ZSCAN18: variants seen among roughly 807,000 people sequenced by gnomAD.
ZSCAN18 encodes zinc finger and SCAN domain containing 18.
ZSCAN18 carries 16 observed loss-of-function variants against 31.1 expected under a neutral mutation model. That is an observed-to-expected ratio of 0.51 (90% CI 0.35 to 0.78). ZSCAN18 has a LOEUF of 0.78. ZSCAN18 is among the 30% of genes least tolerant of loss of function. ZSCAN18 has a pLI of 0.01. For missense variants in ZSCAN18, 731 were observed against 697.4 expected, an observed-to-expected ratio of 1.05 and a Z score of -0.54; for synonymous variants, 375 against 320.7, an observed-to-expected ratio of 1.17 and a Z score of -1.81.
intron 2 of ZSCAN18, among the ~76,000 whole-genome samples, chr19:58,089,626 A>AAAAC (rs2145981101): frequency 6.6e-6 from 1 of 152,330 alleles, no homozygotes; most frequent in South Asian, 2.1e-4. Context: ...CTCCGTCTCA[A>AAAAC]AAATAAATAA....
upstream of ZSCAN18, among the ~76,000 whole-genome samples, chr19:58,101,085 G>A (rs1042060177): frequency 5.3e-5 from 8 of 151,630 alleles, no homozygotes; most frequent in East Asian, 1.9e-4. Flanking sequence ...GGGTTACCAC[G>A]GCTACAGAGT....
At position 58,087,346 on chromosome 19, in the gene ZSCAN18, G is replaced by C. The variant is rs772990630; in HGVS notation, c.612C>G (p.Thr204=). ...LEQRRVREAK[T]EEDGPANTEQ... Reference sequence around the variant, plus strand: ...CGGTGTTGGCAGGGCCGTCCTCTTCGGTCTTTGCTTCTCTGACCCTCCTCT... The same window carrying C: ...CGGTGTTGGCAGGGCCGTCCTCTTCCGTCTTTGCTTCTCTGACCCTCCTCT... The change falls in exon 4 of 7, where the codon ACC becomes ACG. Residue 204 remains threonine, a synonymous_variant. Transcript: ENST00000601144. 6.2e-7 allele frequency: 1 copy of C among 1,607,440 alleles called. No homozygotes were observed. The highest frequency in any genetic ancestry group is 1.1e-5 in the South Asian group (1 of 89,456).
Position 58,085,273 on chromosome 19 carries a change from G to T in ZSCAN18, c.945C>A (p.Ala315=), listed in dbSNP as rs1296294008. Residue 315 remains alanine (A), a synonymous_variant, in exon 7 of 7, where the codon GCC becomes GCA. Transcript: ENST00000601144. ...PTEAPPGDAL[A]DPPSGTTEEE... ...CCTCAGTGGTGCCCGACGGGGGATCGGCAAGGGCGTCCCCAGGGGGCGCCT... is the reference window on the plus strand; with the variant it reads ...CCTCAGTGGTGCCCGACGGGGGATCTGCAAGGGCGTCCCCAGGGGGCGCCT... The T allele has an allele frequency of 1.2e-6, 2 of 1,602,052 alleles. No homozygotes were observed. Among genetic ancestry groups the T allele is most frequent in the African/African-American group, 1.3e-5 (1 of 74,768 alleles).
At chr19:58,103,179 GGTTT>G (rs35312128), upstream of ZSCAN18, among the ~76,000 whole-genome samples, 21,345 of 152,054 alleles carry the variant, frequency 0.14, 1,600 homozygotes, top group Middle Eastern at 0.22. Context: ...TGATTAACCT[GGTTT>G]GTTTTCAGAT....
intron 3 of ZSCAN18, 162 bp from the exon 4 acceptor site, chr19:58,087,566 G>A (rs533088531): frequency 1.6e-6 from 1 of 633,584 alleles, no homozygotes; most frequent in Admixed American, 2.9e-5. Context: ...GATTTACAAA[G>A]CAGCGCGGTG....
chr19:58,106,138 A>G (rs558720932), intron 1 of ZSCAN18, among the ~76,000 whole-genome samples: 2 of 152,208 alleles, frequency 1.3e-5, no homozygotes, highest in Non-Finnish European at 2.9e-5. Flanking sequence ...ACAATGGCTC[A>G]CACCTGTAAT....
rs1167485342 is a variant in ZSCAN18 at position 58,090,425 on chromosome 19, G to A, written c.-119-39C>T. 1 of 1,460,846 alleles carries A rather than the reference G, an allele frequency of 6.8e-7. No homozygotes were observed. The highest frequency in any genetic ancestry group is 2.5e-5 in the East Asian group (1 of 40,342). 90.5% of individuals were successfully genotyped at this position (1,460,846 alleles called of 1,614,324 possible). A position where few individuals can be genotyped will look rare whatever the true frequency, so the allele number is the denominator to read the frequency against. On this transcript the variant is annotated intron_variant, in intron 1 of 6. Coordinates refer to ENST00000601144, the MANE Select transcript of ZSCAN18 (RefSeq NM_001145543.2). The surrounding 1 kb of genome is among the most constrained non-coding windows in gnomAD (Gnocchi z 4.7). Reference sequence around the variant, plus strand: ...GGACAAGGCAATGGCCTTGCATAAGGCCAGGGCGCAGCCACCCCAGCTGCC... The same window carrying A: ...GGACAAGGCAATGGCCTTGCATAAGACCAGGGCGCAGCCACCCCAGCTGCC...
At position 58,086,260 on chromosome 19, in the gene ZSCAN18, T is replaced by C. The variant is rs761925320; in HGVS notation, c.752A>G (p.Gln251Arg). The change falls in exon 6 of 7, where the codon CAG becomes CGG. Residue 251 changes from glutamine (Q) to arginine (R), a missense_variant. Physicochemically the swap from Gln to Arg is conservative, Grantham distance 43. This residue lies in a region of ZSCAN18 where 597 missense variants were observed against 499.5 expected (regional missense o/e 1.20). Coordinates refer to ENST00000601144, the MANE Select transcript of ZSCAN18 (RefSeq NM_001145543.2). ...GGAGGCAGCGTCAGGCTGGGAAAGCTGATACCCTGAGTGGGGTTAAAAACC... is the reference window on the plus strand; with the variant it reads ...GGAGGCAGCGTCAGGCTGGGAAAGCCGATACCCTGAGTGGGGTTAAAAACC... The part of the protein sequence containing the change: ...SYRKLLLWGY[Q>R]LSQPDAASRL... The C allele has an allele frequency of 6.2e-7, 1 of 1,613,794 alleles. No homozygotes were observed. The highest frequency in any genetic ancestry group is 1.1e-5 in the South Asian group (1 of 91,086).
chr19:58,106,468 C>T lies in ZSCAN18; in HGVS notation c.130+11799G>A, dbSNP rs1358114802. Reference sequence around the variant, plus strand: ...CTGTAATCCCAGCACTTTGGGAGGCCGAGGCGGGCGGATCACGAGGTCAGG... The same window carrying T: ...CTGTAATCCCAGCACTTTGGGAGGCTGAGGCGGGCGGATCACGAGGTCAGG... On this transcript the variant is annotated intron_variant, in intron 1 of 1. Transcript: ENST00000595721. Among the ~76,000 whole-genome samples the T allele has an allele frequency of 1.4e-3, 16 of 11,240 alleles. 8 individuals are homozygous for T. The highest frequency in any genetic ancestry group is 8.1e-3 in the Non-Finnish European group (16 of 1,978). 7.4% of individuals were successfully genotyped at this position (11,240 alleles called of 152,430 possible).
At chr19:58,099,704 T>C (rs1295176650), upstream of ZSCAN18, among the ~76,000 whole-genome samples, 1 of 152,160 alleles carries the variant, frequency 6.6e-6, no homozygotes, top group Non-Finnish European at 1.5e-5. Context: ...CATTTTACAC[T>C]CCCACCACCA....
intron 1 of ZSCAN18, chr19:58,108,015 C>G: frequency 9.7e-7 from 1 of 1,025,658 alleles, no homozygotes; most frequent in African/African-American, 1.7e-5. Flanking sequence ...CACAGACCTT[C>G]TCACCAGTAT....
In ZSCAN18 at chr19:58,086,234, T is replaced by C; in HGVS notation, c.778A>G (p.Arg260Gly). ...YQLSQPDAAS[R>G]LDTEELRLVE... is the part of the protein sequence containing the mutation. ...AACCGGAGTTCCTCAGTGTCCAGCC[T>C]GGAGGCAGCGTCAGGCTGGGAAAGC... The change falls in exon 6 of 7, where the codon AGG becomes GGG. Residue 260 changes from arginine to glycine, a missense_variant. By Grantham distance (125) the Arg-to-Gly change is moderately radical (BLOSUM62 -2). Transcript: ENST00000601144. 3.7e-6 allele frequency: 6 copies of C among 1,613,926 alleles called. No homozygotes were observed. Among genetic ancestry groups the C allele is most frequent in the Non-Finnish European group, 4.2e-6 (5 of 1,179,898 alleles).
chr19:58,115,512 G>C (rs2547348), intron 1 of ZSCAN18, among the ~76,000 whole-genome samples: 115,728 of 152,136 alleles, frequency 0.76, 44,734 homozygotes, highest in Non-Finnish European at 0.84. Context: ...TTTTGAAACA[G>C]GTGGAGTCAA....
chr19:58,114,484 G>A (rs571749264), intron 1 of ZSCAN18, among the ~76,000 whole-genome samples: 1 of 151,792 alleles, frequency 6.6e-6, no homozygotes, highest in Admixed American at 6.6e-5. Context: ...TATACATGTA[G>A]ACATACATAT....
upstream of ZSCAN18, among the ~76,000 whole-genome samples, chr19:58,103,122 A>T (rs1019356947): frequency 3.3e-5 from 5 of 151,602 alleles, no homozygotes; most frequent in African/African-American, 1.2e-4. Flanking sequence ...ACTCTCTCTA[A>T]AAAAAAATAA....
chr19:58,115,871 C>T (rs1179302400), intron 1 of ZSCAN18, among the ~76,000 whole-genome samples: 1 of 152,000 alleles, frequency 6.6e-6, no homozygotes. Flanking sequence ...AACCTACAGG[C>T]TAGAAAAACC....
chr19:58,107,389 T>C (rs556739661), intron 1 of ZSCAN18, among the ~76,000 whole-genome samples: 1 of 145,482 alleles, frequency 6.9e-6, no homozygotes, highest in African/African-American at 2.4e-5. Flanking sequence ...AAACCCTATC[T>C]CTACTAAAAA....
At chr19:58,097,716 C>G (rs529239324) in intron 1 of ZSCAN18, among the ~76,000 whole-genome samples, 28 of 139,970 alleles carry the variant, frequency 2.0e-4, no homozygotes, top group African/African-American at 7.5e-4. Context: ...GAGCCTCCCC[C>G]TCCCTTCTCT....
chr19:58,112,733 T>G (rs1191310648), intron 1 of ZSCAN18, among the ~76,000 whole-genome samples: 1 of 151,154 alleles, frequency 6.6e-6, no homozygotes, highest in African/African-American at 2.4e-5. Flanking sequence ...GCAGATCACC[T>G]GAGGTCTGGA....
Sources: allele counts gnomAD v4.1 joint callset (sites outside exome capture counted in the v4.1 genomes callset), GRCh38; gene constraint gnomAD v4.1.1; regional missense constraint gnomAD v4.1.1; non-coding constraint Gnocchi (gnomAD v3.1); transcripts MANE v1.5; gene names NCBI Gene and HGNC (gene_info 2026-07-23, HGNC 2026-07-21).